Variants in FRMD4B observed in about 807,000 individuals in gnomAD.
The protein encoded by FRMD4B is FERM domain-containing protein 4B.
A neutral mutation model predicts 141.5 loss-of-function variants in FRMD4B; 74 were observed. That is an observed-to-expected ratio of 0.52 (90% confidence interval 0.43 to 0.63). The LOEUF (loss-of-function observed/expected upper bound fraction) is 0.63, where lower values mean the gene tolerates loss of function less well. Among genes scored for constraint, FRMD4B ranks in the 30% least tolerant of loss-of-function variants. The pLI, the probability that FRMD4B is intolerant of heterozygous loss-of-function variation, is 0.00. For synonymous variants in FRMD4B, 506 were observed against 467.9 expected, an observed-to-expected ratio of 1.08 and a Z score of -1.05; for missense variants, 1,366 against 1,253.4, an observed-to-expected ratio of 1.09 and a Z score of -1.36.
intron 17 of FRMD4B, among the ~76,000 whole-genome samples, chr3:69,192,439 T>C (rs1464282945): frequency 2.0e-5 from 3 of 152,086 alleles, no homozygotes; most frequent in African/African-American, 7.2e-5. Context: ...TCATAGATGT[T>C]AAAATGTAAA....
chr3:69,187,328 C>T (rs1459678985), intron 19 of FRMD4B, among the ~76,000 whole-genome samples: 1 of 151,686 alleles, frequency 6.6e-6, no homozygotes, highest in Non-Finnish European at 1.5e-5. Context: ...GGCAGATCAC[C>T]TGAGGTTGGG....
intron 5 of FRMD4B, among the ~76,000 whole-genome samples, chr3:69,278,682 G>A (rs1281262685): frequency 6.6e-6 from 1 of 151,876 alleles, no homozygotes; most frequent in African/African-American, 2.4e-5. Flanking sequence ...CACCTCCTGG[G>A]TTCAAGCGAT....
chr3:69,347,652 CA>C (rs1400260759), intron 1 of FRMD4B, among the ~76,000 whole-genome samples: 1 of 152,198 alleles, frequency 6.6e-6, no homozygotes, highest in Non-Finnish European at 1.5e-5. Context: ...ACAATGCAAT[CA>C]AACTAGAACT....
intron 11 of FRMD4B, among the ~76,000 whole-genome samples, chr3:69,206,742 C>G (rs2093027682): frequency 6.6e-6 from 1 of 152,080 alleles, no homozygotes; most frequent in South Asian, 2.1e-4. Flanking sequence ...TTCTTTCTTT[C>G]CAGATATATT....
intron 2 of FRMD4B, among the ~76,000 whole-genome samples, chr3:69,410,949 C>T (rs1040644729): frequency 6.6e-5 from 10 of 151,702 alleles, no homozygotes; most frequent in African/African-American, 1.9e-4. Context: ...AAAATTTGTA[C>T]CTGGCCTATA....
intron 18 of FRMD4B, among the ~76,000 whole-genome samples, chr3:69,188,593 T>C (rs1299300999): frequency 6.6e-6 from 1 of 151,264 alleles, no homozygotes; most frequent in Non-Finnish European, 1.5e-5. Context: ...CCGTCTCTAC[T>C]AAAAATACAA....
chr3:69,230,055 C>A (rs1380528483), intron 7 of FRMD4B, among the ~76,000 whole-genome samples: 1 of 151,814 alleles, frequency 6.6e-6, no homozygotes, highest in African/African-American at 2.4e-5. Flanking sequence ...TGGCTCACTG[C>A]AACCTCTGCC....
In FRMD4B at chr3:69,267,593, GTGTATATATATATATA is replaced by G. The variant is rs1441460736; in HGVS notation, c.502-17510_502-17495del. 2.0e-5 allele frequency among the ~76,000 whole-genome samples: 2 copies of G among 98,004 alleles called. 1 individual carries two copies. Among genetic ancestry groups the G allele is most frequent in the African/African-American group, 8.8e-5 (2 of 22,694 alleles). The allele number at this position is 98,004 out of a possible 152,430, so 64.3% of individuals were successfully genotyped here. On this transcript the variant is annotated intron_variant, in intron 5 of 22. Transcript: ENST00000398540. ...TATATATATATGTGTGTGTGTGTGT[GTGTATATATATATATA>G]TATATATATATATATATATATATAT...
chr3:69,198,961 G>A, intron 11 of FRMD4B, 187 bp from the exon 12 acceptor site: 4 of 580,016 alleles, frequency 6.9e-6, no homozygotes, highest in Non-Finnish European at 9.3e-6. Context: ...TCTTCTGGCA[G>A]CAATCTTTAA....
chr3:69,266,552 C>T (rs1299828431), intron 5 of FRMD4B, among the ~76,000 whole-genome samples: 1 of 152,120 alleles, frequency 6.6e-6, no homozygotes, highest in Non-Finnish European at 1.5e-5. Context: ...TCTCGAACTC[C>T]TGACCTCAGG....
At chr3:69,196,877 T>A (rs1186428911) in intron 13 of FRMD4B, 23 bp downstream of exon 13, 4 of 1,582,288 alleles carry the variant, frequency 2.5e-6, no homozygotes, top group East Asian at 2.2e-5. Context: ...TCTGTCCCTA[T>A]AGAAATGATG....
At chr3:69,315,031 T>A (rs527916222) in intron 1 of FRMD4B, among the ~76,000 whole-genome samples, 1 of 152,100 alleles carries the variant, frequency 6.6e-6, no homozygotes, top group South Asian at 2.1e-4. Context: ...AACATAGACC[T>A]CATCTCTTAA....
intron 2 of FRMD4B, among the ~76,000 whole-genome samples, chr3:69,416,975 G>T (rs138510052): frequency 6.6e-6 from 1 of 152,058 alleles, no homozygotes; most frequent in South Asian, 2.1e-4. Context: ...GGTTGGTTCC[G>T]AGTCTTTGCT....
chr3:69,295,329 T>C (rs922073657), intron 4 of FRMD4B, among the ~76,000 whole-genome samples: 3 of 152,120 alleles, frequency 2.0e-5, no homozygotes, highest in Admixed American at 2.0e-4. Flanking sequence ...GGGAGTGTTA[T>C]TGTTTATTTT....
chr3:69,474,345 T>C (rs1181349018), intron 1 of FRMD4B, among the ~76,000 whole-genome samples: 1 of 152,198 alleles, frequency 6.6e-6, no homozygotes, highest in African/African-American at 2.4e-5. Context: ...CTCAGCAGCA[T>C]GAAGTTGCAA....
upstream of FRMD4B, among the ~76,000 whole-genome samples, chr3:69,390,587 T>C (rs1704360128): frequency 6.6e-6 from 1 of 152,104 alleles, no homozygotes; most frequent in South Asian, 2.1e-4. Flanking sequence ...CAGAGAACCC[T>C]GGTCTAATTA....
intron 1 of FRMD4B, among the ~76,000 whole-genome samples, chr3:69,342,724 G>A (rs1196649814): frequency 6.6e-6 from 1 of 152,150 alleles, no homozygotes; most frequent in Non-Finnish European, 1.5e-5. Flanking sequence ...AGAGTAATTA[G>A]TATATCCATC....
chr3:69,455,608 T>G (rs1705589297), intron 1 of FRMD4B, among the ~76,000 whole-genome samples: 1 of 152,214 alleles, frequency 6.6e-6, no homozygotes, highest in African/African-American at 2.4e-5. Context: ...GCACCATCTT[T>G]AAGAACTGTA....
intron 19 of FRMD4B, among the ~76,000 whole-genome samples, chr3:69,187,026 A>T (rs2092775510): frequency 6.6e-6 from 1 of 152,134 alleles, no homozygotes; most frequent in Admixed American, 6.5e-5. Context: ...TATTTTACAG[A>T]TTATGAGTTT....
Sources: gnomAD v4.1 joint callset for allele counts (sites outside exome capture counted in the v4.1 genomes callset) on GRCh38, gnomAD v4.1.1 for gene constraint, MANE v1.5 for transcripts, NCBI Gene and HGNC (gene_info 2026-07-23, HGNC 2026-07-21) for gene names.